Variants in HECW1 observed in about 807,000 individuals in gnomAD.
The protein encoded by HECW1 is E3 ubiquitin-protein ligase HECW1.
HECW1 carries 61 observed loss-of-function variants against 182.3 expected under a neutral mutation model. The observed-to-expected ratio is 0.33, with a 90% CI of 0.27 to 0.41. HECW1 has a LOEUF of 0.41. HECW1 is among the 10% of genes least tolerant of loss of function. The probability of loss-of-function intolerance (pLI) is 1.00; values close to 1 mark genes in which losing one functional copy is unlikely to be tolerated. For synonymous variants in HECW1, 859 were observed against 832.6 expected, an observed-to-expected ratio of 1.03 and a Z score of -0.55; for missense variants, 1,739 against 2,108.9, an observed-to-expected ratio of 0.82 and a Z score of 3.44.
At chr7:43,450,198 A>AT (rs1272332239) in intron 11 of HECW1, among the ~76,000 whole-genome samples, 1 of 151,880 alleles carries the variant, frequency 6.6e-6, no homozygotes, top group East Asian at 1.9e-4. Flanking sequence ...TTTCTCCTCA[A>AT]AATAATCTGG....
At chr7:43,398,615 GA>G (rs879316257) in intron 7 of HECW1, among the ~76,000 whole-genome samples, 27 of 142,786 alleles carry the variant, frequency 1.9e-4, no homozygotes, top group Middle Eastern at 3.6e-3. Context: ...CTAGGCTGAA[GA>G]AAAAAAAAAA....
At chr7:43,120,198 A>C (rs909323218) in intron 2 of HECW1, among the ~76,000 whole-genome samples, 1 of 152,092 alleles carries the variant, frequency 6.6e-6, no homozygotes, top group Non-Finnish European at 1.5e-5. Flanking sequence ...CCGAGTCCCC[A>C]GTTGTCCTTG....
intron 27 of HECW1, among the ~76,000 whole-genome samples, chr7:43,550,811 T>C (rs1258219304): frequency 1.3e-5 from 2 of 152,168 alleles, no homozygotes; most frequent in African/African-American, 2.4e-5. Context: ...GAAACTCAAC[T>C]CTTATGGGTG....
At chr7:43,423,635 G>A (rs997201679) in intron 8 of HECW1, among the ~76,000 whole-genome samples, 1 of 152,174 alleles carries the variant, frequency 6.6e-6, no homozygotes, top group Admixed American at 6.5e-5. Flanking sequence ...AGTGAGCTGG[G>A]CAAGGGGTTA....
chr7:43,380,548 A>G lies in HECW1; in HGVS notation c.556-16266A>G, dbSNP rs182377466. Among the ~76,000 whole-genome samples the G allele has an allele frequency of 3.9e-3, 600 of 151,916 alleles. 3 individuals carry two copies. The highest frequency in any genetic ancestry group is 0.014 in the African/African-American group (573 of 41,422). On this transcript the variant is annotated intron_variant, in intron 6 of 29. Transcript: ENST00000395891. The stretch of plus-strand genomic sequence containing the variant: ...AATGTATGTGATTTTTTCCCCCTAG[A>G]TGAAGTTTTGCTCTTGTTACCTAGG...
chr7:43,221,146 C>T (rs1584034671), intron 2 of HECW1, among the ~76,000 whole-genome samples: 1 of 152,152 alleles, frequency 6.6e-6, no homozygotes, highest in African/African-American at 2.4e-5. Context: ...TTACTTGGAT[C>T]CCTTATCAGT....
intron 2 of HECW1, chr7:43,118,978 T>C (rs1785317047): frequency 6.6e-6 from 1 of 152,278 alleles, no homozygotes. Flanking sequence ...CCCACTGGCC[T>C]TCTTCACTCC....
intron 9 of HECW1, 122 bp downstream of exon 9, chr7:43,438,267 C>T: frequency 1.3e-6 from 1 of 798,610 alleles, no homozygotes; most frequent in East Asian, 2.7e-5. Flanking sequence ...ATTATATTTC[C>T]TTTGTTTTTC....
Position 43,444,531 on chromosome 7 carries a change from C to T in HECW1, c.1359C>T (p.Pro453=). The change falls in exon 11 of 30, where the codon CCC becomes CCT. Residue 453 remains proline (P), a synonymous_variant. Coordinates refer to ENST00000395891, the MANE Select transcript of HECW1 (RefSeq NM_015052.5). This position sits in a 1 kb window ranked among gnomAD's most constrained non-coding sequence, Gnocchi z 4.3. The stretch of plus-strand genomic sequence containing the variant: ...TGCAAAAGGACATCCAGCCTGCCCC[C>T]AGTGCAGAAGAGCTGGCCGAGCAGC... The part of the protein sequence containing the change: ...AQVQKDIQPA[P]SAEELAEQLD... The T allele has an allele frequency of 6.2e-7, 1 of 1,611,392 alleles. No individual in the cohort carries two copies. The highest frequency in any genetic ancestry group is 8.5e-7 in the Non-Finnish European group (1 of 1,178,900).
Position 43,278,180 on chromosome 7 carries a change from C to A in HECW1, c.28-33583C>A, listed in dbSNP as rs549304097. 5.3e-5 allele frequency among the ~76,000 whole-genome samples: 8 copies of A among 152,268 alleles called. No individual in the cohort carries two copies. The East Asian group carries it at 1.5e-3, about 29-fold the overall frequency. On this transcript the variant is annotated intron_variant, in intron 3 of 29. Transcript: ENST00000395891. ...GTCTTCAACTGGGATGTCTTATAAG[C>A]ATCTCAAACTTAAAATATTCCAGCC...
chr7:43,210,455 G>GTA (rs1314317533), intron 2 of HECW1, among the ~76,000 whole-genome samples: 1 of 148,550 alleles, frequency 6.7e-6, no homozygotes, highest in Non-Finnish European at 1.5e-5. Flanking sequence ...AAGTGAGTGT[G>GTA]TGTGTGTGTG....
At chr7:43,288,373 A>G (rs1804939835) in intron 3 of HECW1, among the ~76,000 whole-genome samples, 1 of 152,208 alleles carries the variant, frequency 6.6e-6, no homozygotes, top group African/African-American at 2.4e-5. Flanking sequence ...CAATACTGGT[A>G]GTATTCTTCT....
chr7:43,501,423 G>C (rs1035739866), intron 21 of HECW1, 101 bp downstream of exon 21: 6 of 640,646 alleles, frequency 9.4e-6, no homozygotes, highest in South Asian at 4.5e-5. Flanking sequence ...TCTTTCTCTC[G>C]GCCTTCCCAA....
At chr7:43,389,616 T>A (rs1429628229) in intron 6 of HECW1, among the ~76,000 whole-genome samples, 1 of 147,380 alleles carries the variant, frequency 6.8e-6, no homozygotes, top group Non-Finnish European at 1.5e-5. Context: ...CACATTGTTG[T>A]TGCTGTTGTT....
chr7:43,546,657 T>TCTTG (rs530172025), intron 26 of HECW1, among the ~76,000 whole-genome samples: 316 of 152,158 alleles, frequency 2.1e-3, no homozygotes, highest in African/African-American at 7.3e-3. Context: ...GTAGTCCCTT[T>TCTTG]CTGGCAAGGT....
intron 4 of HECW1, among the ~76,000 whole-genome samples, chr7:43,312,391 A>G (rs1453486750): frequency 6.6e-6 from 1 of 152,228 alleles, no homozygotes; most frequent in Non-Finnish European, 1.5e-5. Context: ...GTTAATATCA[A>G]AGCCTGTTTT....
At chr7:43,271,621 A>G (rs979479652) in intron 3 of HECW1, among the ~76,000 whole-genome samples, 2 of 152,220 alleles carry the variant, frequency 1.3e-5, no homozygotes, top group African/African-American at 4.8e-5. Context: ...AAATTGAGAT[A>G]TCTAGGAATA....
chr7:43,177,866 C>T (rs925976592), intron 2 of HECW1, among the ~76,000 whole-genome samples: 5 of 152,194 alleles, frequency 3.3e-5, no homozygotes, highest in African/African-American at 1.2e-4. Context: ...CTTCCCTTTA[C>T]TCCCCTACAG....
intron 8 of HECW1, among the ~76,000 whole-genome samples, chr7:43,415,542 G>A (rs922344312): frequency 7.9e-5 from 12 of 152,046 alleles, no homozygotes; most frequent in South Asian, 2.1e-4. Flanking sequence ...TCTTTGTGGC[G>A]TTCTCTGTAT....
Sources: gnomAD v4.1 joint callset for allele counts (sites outside exome capture counted in the v4.1 genomes callset) on GRCh38, gnomAD v4.1.1 for gene constraint, Gnocchi (gnomAD v3.1) non-coding constraint, MANE v1.5 for transcripts, NCBI Gene and HGNC (gene_info 2026-07-23, HGNC 2026-07-21) for gene names.